The following BRIP1 variants were observed in gnomAD, a reference collection of about 807,000 sequenced individuals.
BRIP1 encodes the protein Fanconi anemia group J protein.
BRIP1 carries 88 observed loss-of-function variants against 119.7 expected under a neutral mutation model. The ratio of observed to expected loss-of-function variants is 0.74; its 90% CI spans 0.62 to 0.88. The LOEUF is 0.88. BRIP1 is among the 40% of genes least tolerant of loss of function. The pLI is 0.00. For synonymous variants in BRIP1, 443 were observed against 496.5 expected, an observed-to-expected ratio of 0.89 and a Z score of 1.43; for missense variants, 1,259 against 1,455.4, an observed-to-expected ratio of 0.87 and a Z score of 2.20.
chr17:61,696,574 G>C (rs372755934), intron 17 of BRIP1, among the ~76,000 whole-genome samples: 127 of 151,640 alleles, frequency 8.4e-4, no homozygotes, highest in African/African-American at 2.8e-3. Flanking sequence ...GAAGCCATTT[G>C]ATCATGAGGC....
rs2078125730 is a variant in BRIP1 at position 61,809,157 on chromosome 17, A to G, written c.628-400T>C. Among the ~76,000 whole-genome samples the G allele has an allele frequency of 6.6e-6, 1 of 152,202 alleles. No homozygotes were observed. The highest frequency in any genetic ancestry group is 1.5e-5 in the Non-Finnish European group (1 of 68,020). ...GTTTAGAGTTAATAGTTTTGTTCAC[A>G]GCATAGTTCATTCAAATATTCCTTA... On this transcript the variant is annotated intron_variant, in intron 6 of 19. Transcript: ENST00000259008. The surrounding 1 kb of genome is among the most constrained non-coding windows in gnomAD (Gnocchi z 5.2).
rs1054600279 is a variant in BRIP1 at position 61,856,208 on chromosome 17, A to G, written c.379+850T>C. On this transcript the variant is annotated intron_variant, in intron 4 of 19. Transcript: ENST00000259008. The surrounding 1 kb of genome is among the most constrained non-coding windows in gnomAD (Gnocchi z 5.1). Reference sequence around the variant, plus strand: ...CTTCTCTTTCCTCATTCCTACCAGAAGTTCAATCATCTACCCTCCTCTATA... The same window carrying G: ...CTTCTCTTTCCTCATTCCTACCAGAGGTTCAATCATCTACCCTCCTCTATA... 1.3e-5 allele frequency among the ~76,000 whole-genome samples: 2 copies of G among 152,190 alleles called. No individual in the cohort carries two copies. The highest frequency in any genetic ancestry group is 2.4e-5 in the African/African-American group (1 of 41,452).
intron 6 of BRIP1, among the ~76,000 whole-genome samples, chr17:61,819,157 G>A (rs2078282302): frequency 1.4e-5 from 2 of 147,556 alleles, no homozygotes; most frequent in South Asian, 2.2e-4. Context: ...CTGCACTCCA[G>A]CCTGGGCAAC....
Position 61,789,594 on chromosome 17 carries a change from T to A in BRIP1, c.1473+4003A>T, listed in dbSNP as rs1378958730. 6.6e-6 allele frequency among the ~76,000 whole-genome samples: 1 copy of A among 152,156 alleles called. No individual in the cohort carries two copies. The highest frequency in any genetic ancestry group is 6.6e-5 in the Admixed American group (1 of 15,262). On this transcript the variant is annotated intron_variant, in intron 10 of 19. Coordinates refer to ENST00000259008, the MANE Select transcript of BRIP1 (RefSeq NM_032043.3). The surrounding 1 kb of genome is among the most constrained non-coding windows in gnomAD (Gnocchi z 4.8). ...CCACAATTCATAAGGGATGTTCATA[T>A]CAGAACTGTTTATTATACTGGGAAA...
In BRIP1 at chr17:61,780,224, C is replaced by T; in HGVS notation, c.1935+37G>A. 3.8e-6 allele frequency: 6 copies of T among 1,586,008 alleles called. No individual in the cohort carries two copies. Among genetic ancestry groups the T allele is most frequent in the Non-Finnish European group, 5.2e-6 (6 of 1,158,268 alleles). On this transcript the variant is annotated intron_variant, in intron 13 of 19. Transcript: ENST00000259008. The surrounding 1 kb of genome is among the most constrained non-coding windows in gnomAD (Gnocchi z 5.4). ...TTACATAGTTATATTGAAGTAGAAA[C>T]ACTGAAGGCCTTCCAAAAAAAAAAA...
In BRIP1 at chr17:61,693,816, T is replaced by C. The variant is rs2061485301; in HGVS notation, c.2493-304A>G. 6.6e-6 allele frequency among the ~76,000 whole-genome samples: 1 copy of C among 152,166 alleles called. No individual in the cohort carries two copies. The highest frequency in any genetic ancestry group is 6.5e-5 in the Admixed American group (1 of 15,276). ...TAGCCACATAGACTGTTTTCTTTTT[T>C]TTACCTTAAGTATTATAAATAATTG... On this transcript the variant is annotated intron_variant, in intron 17 of 19. Coordinates refer to ENST00000259008, the MANE Select transcript of BRIP1 (RefSeq NM_032043.3). The surrounding 1 kb of genome is among the most constrained non-coding windows in gnomAD (Gnocchi z 4.2).
chr17:61,817,393 C>G (rs541926435), intron 6 of BRIP1, among the ~76,000 whole-genome samples: 42 of 152,208 alleles, frequency 2.8e-4, no homozygotes, highest in African/African-American at 9.4e-4. Context: ...TGGTATTTTT[C>G]AAACTTTCTT....
intron 17 of BRIP1, among the ~76,000 whole-genome samples, chr17:61,714,666 G>A (rs966913935): frequency 6.6e-6 from 1 of 152,050 alleles, no homozygotes; most frequent in African/African-American, 2.4e-5. Context: ...ATTTAAAAAT[G>A]AGTCTCACAA....
chr17:61,839,560 T>G (rs905748642), intron 6 of BRIP1, among the ~76,000 whole-genome samples: 15 of 152,200 alleles, frequency 9.9e-5, no homozygotes, highest in Non-Finnish European at 1.6e-4. Context: ...TTATGCATGT[T>G]TAATTAGTAT....
Position 61,827,923 on chromosome 17 carries a change from T to C in BRIP1, c.628-19166A>G, listed in dbSNP as rs2078433697. Reference sequence around the variant, plus strand: ...AAACAGATAATGAGGTTGGCAAAGATGTGGAGAAACTGGAACCCCTGTGCA... The same window carrying C: ...AAACAGATAATGAGGTTGGCAAAGACGTGGAGAAACTGGAACCCCTGTGCA... On this transcript the variant is annotated intron_variant, in intron 6 of 19. Coordinates refer to ENST00000259008, the MANE Select transcript of BRIP1 (RefSeq NM_032043.3). The surrounding 1 kb of genome is among the most constrained non-coding windows in gnomAD (Gnocchi z 5.8). Among the ~76,000 whole-genome samples the C allele has an allele frequency of 6.6e-6, 1 of 152,184 alleles. No individual in the cohort carries two copies. Among genetic ancestry groups the C allele is most frequent in the African/African-American group, 2.4e-5 (1 of 41,456 alleles).
At chr17:61,801,839 T>C (rs1292992149) in intron 7 of BRIP1, among the ~76,000 whole-genome samples, 1 of 152,170 alleles carries the variant, frequency 6.6e-6, no homozygotes, top group Non-Finnish European at 1.5e-5. Context: ...ACTGGTTGCT[T>C]CCAAGGATGA....
In BRIP1 at chr17:61,729,893, C is replaced by G. The variant is rs904645428; in HGVS notation, c.2379+13120G>C. Among the ~76,000 whole-genome samples, 1 of 152,072 alleles carries G rather than the reference C, an allele frequency of 6.6e-6. No individual in the cohort carries two copies. Among genetic ancestry groups the G allele is most frequent in the African/African-American group, 2.4e-5 (1 of 41,392 alleles). ...GGTGTCTAGATCCCACTACCGGCAT[C>G]TAGTGGGTAAATGCTAGAGATGCTG... On this transcript the variant is annotated intron_variant, in intron 16 of 19. Coordinates refer to ENST00000259008, the MANE Select transcript of BRIP1 (RefSeq NM_032043.3). The surrounding 1 kb of genome is among the most constrained non-coding windows in gnomAD (Gnocchi z 5.6).
chr17:61,765,321 AACAC>A (rs2077335609), intron 14 of BRIP1, among the ~76,000 whole-genome samples: 1 of 129,984 alleles, frequency 7.7e-6, no homozygotes, highest in African/African-American at 2.9e-5. Flanking sequence ...TACATACATA[AACAC>A]ACACATACAC....
At position 61,689,161 on chromosome 17, in the gene BRIP1, G is replaced by A. The variant is rs952043452; in HGVS notation, c.2576-2996C>T. Among the ~76,000 whole-genome samples the A allele has an allele frequency of 4.0e-5, 6 of 150,460 alleles. No homozygotes were observed. In the Admixed American group the frequency reaches 4.0e-4, roughly 10 times the overall value. ...CTGATTCAAGCGATTCTCCTGCCTC[G>A]GCCTCTCAAGTAGCTGGGACTACAG... On this transcript the variant is annotated intron_variant, in intron 18 of 19. Coordinates refer to ENST00000259008, the MANE Select transcript of BRIP1 (RefSeq NM_032043.3). The surrounding 1 kb of genome is among the most constrained non-coding windows in gnomAD (Gnocchi z 4.5).
chr17:61,721,854 T>C (rs2061983765), intron 16 of BRIP1, among the ~76,000 whole-genome samples: 1 of 151,478 alleles, frequency 6.6e-6, no homozygotes, highest in Non-Finnish European at 1.5e-5. Context: ...CACGCCACCA[T>C]GCCCAGCTAA....
rs140581962 is a variant in BRIP1, at chr17:61,804,446, G to GTGTGTGTGTGTGTGTGTGTA, written c.919-2973_919-2972insTACACACACACACACACACA. Among the ~76,000 whole-genome samples, 1 of 140,692 alleles carries GTGTGTGTGTGTGTGTGTGTA rather than the reference G, an allele frequency of 7.1e-6. No individual in the cohort carries two copies. Among genetic ancestry groups the GTGTGTGTGTGTGTGTGTGTA allele is most frequent in the African/African-American group, 2.6e-5 (1 of 38,966 alleles). 92.3% of individuals were successfully genotyped at this position (140,692 alleles called of 152,430 possible). A position where few individuals can be genotyped will look rare whatever the true frequency, so the allele number is the denominator to read the frequency against. On this transcript the variant is annotated intron_variant, in intron 7 of 19. Coordinates refer to ENST00000259008, the MANE Select transcript of BRIP1 (RefSeq NM_032043.3). The surrounding 1 kb of genome is among the most constrained non-coding windows in gnomAD (Gnocchi z 4.5). The stretch of plus-strand genomic sequence containing the variant: ...TGTGTGTGTGTGTGTGTGTGTGTGT[G>GTGTGTGTGTGTGTGTGTGTA]TATGTGTGTGTACATACACATACAT...
rs1567829719 is a variant in BRIP1, at chr17:61,799,282, T to C, written c.1158A>G (p.Lys386=). ...QIRESMDLNL[K]EQVVILDEAH... ...CTTCATCTAAAATGACAACCTGTTC[T>C]TTCAGATTTAAATCCATCTATAAGA... Residue 386 remains lysine, a synonymous_variant, in exon 9 of 20, where the codon AAA becomes AAG. Transcript: ENST00000259008. This position sits in a 1 kb window ranked among gnomAD's most constrained non-coding sequence, Gnocchi z 5.1. 6.2e-7 allele frequency: 1 copy of C among 1,612,738 alleles called. No homozygotes were observed. The highest frequency in any genetic ancestry group is 8.5e-7 in the Non-Finnish European group (1 of 1,178,982).
Position 61,776,632 on chromosome 17 carries a change from G to T in BRIP1, c.1936-70C>A, listed in dbSNP as rs1281041468. 7.4e-6 allele frequency: 11 copies of T among 1,496,568 alleles called. No homozygotes were observed. In the East Asian group the frequency reaches 2.0e-4, roughly 28 times the overall value. 92.7% of individuals were successfully genotyped at this position (1,496,568 alleles called of 1,614,324 possible). On this transcript the variant is annotated intron_variant, in intron 13 of 19. Coordinates refer to ENST00000259008, the MANE Select transcript of BRIP1 (RefSeq NM_032043.3). The surrounding 1 kb of genome is among the most constrained non-coding windows in gnomAD (Gnocchi z 5.0). ...CATGGAAATTAGTATTTATTTGGAAGTATGTACATAAAAGATCAAGCAACA... is the reference window on the plus strand; with the variant it reads ...CATGGAAATTAGTATTTATTTGGAATTATGTACATAAAAGATCAAGCAACA...
At chr17:61,702,675 T>C (rs919827286) in intron 17 of BRIP1, among the ~76,000 whole-genome samples, 6 of 152,218 alleles carry the variant, frequency 3.9e-5, no homozygotes, top group Non-Finnish European at 8.8e-5. Context: ...CCATTGTGTA[T>C]ATGTACCACA....
Sources: allele counts gnomAD v4.1 joint callset (sites outside exome capture counted in the v4.1 genomes callset), GRCh38; gene constraint gnomAD v4.1.1; non-coding constraint Gnocchi (gnomAD v3.1); transcripts MANE v1.5; gene names NCBI Gene and HGNC (gene_info 2026-07-23, HGNC 2026-07-21).